The following KNG1 variants were observed in gnomAD, a reference collection of about 807,000 sequenced individuals.
The protein encoded by KNG1 is kininogen-1.
Under a neutral mutation model 47.8 loss-of-function variants are expected in KNG1, and 23 were observed. That is an observed-to-expected ratio of 0.48 (90% confidence interval 0.35 to 0.68). The LOEUF (loss-of-function observed/expected upper bound fraction) is 0.68, where lower values mean the gene tolerates loss of function less well. KNG1 is among the 30% of genes least tolerant of loss of function. The pLI is 0.01. For missense variants in KNG1, 762 were observed against 790.2 expected (o/e 0.96, Z 0.43); for synonymous variants, 277 against 277.0 (o/e 1.00, Z 0.00).
chr3:186,742,465 T>A lies in KNG1; in HGVS notation c.*134T>A, dbSNP rs1720842591. 2 of 1,500,050 alleles carry A rather than the reference T, an allele frequency of 1.3e-6. No homozygotes were observed. Among genetic ancestry groups the A allele is most frequent in the Non-Finnish European group, 1.8e-6 (2 of 1,131,834 alleles). The allele number at this position is 1,500,050 out of a possible 1,614,324, so 92.9% of individuals were successfully genotyped here. A position where few individuals can be genotyped will look rare whatever the true frequency, so the allele number is the denominator to read the frequency against. On this transcript the variant is annotated 3_prime_UTR_variant, in exon 10 of 10. Transcript: ENST00000644859. ...TTCGGAACAGTCTAAAGAGAAGTGG[T>A]GAGACTCCCAGTGGAGACACCATCA...
chr3:186,730,198 G>A (rs1001162799), intron 5 of KNG1, among the ~76,000 whole-genome samples: 7 of 151,430 alleles, frequency 4.6e-5, no homozygotes, highest in Non-Finnish European at 7.4e-5. Context: ...TTATTGGCAA[G>A]CATGTTTATA....
chr3:186,741,893 T>C lies in KNG1; in HGVS notation c.1497T>C (p.His499=), dbSNP rs750916035. Residue 499 remains histidine, a synonymous_variant, in exon 10 of 10, where the codon CAT becomes CAC. Transcript: ENST00000644859. ...TTGACCATGGACATAAGCATAAGCA[T>C]GGTCATGGCCACGGAAAACATAAAA... ...HVLDHGHKHK[H]GHGHGKHKNK... is the part of the protein sequence containing the mutation. 6.2e-7 allele frequency: 1 copy of C among 1,614,040 alleles called. No homozygotes were observed. The highest frequency in any genetic ancestry group is 1.1e-5 in the South Asian group (1 of 91,068).
Position 186,744,092 on chromosome 3 carries a change from G to A in KNG1, c.*1761G>A, listed in dbSNP as rs1432115747. 15 of 419,404 alleles carry A rather than the reference G, an allele frequency of 3.6e-5. No individual in the cohort carries two copies. The highest frequency in any genetic ancestry group is 6.6e-5 in the Non-Finnish European group (15 of 225,696). The allele number at this position is 419,404 out of a possible 1,614,324, so 26.0% of individuals were successfully genotyped here. ...CTAGCCAAGGCAGAAGTCCTTAGGC[G>A]GGACTTCCTTACCACCACGGGTGCT... On this transcript the variant is annotated 3_prime_UTR_variant, in exon 10 of 10. Transcript: ENST00000644859.
Position 186,743,868 on chromosome 3 carries a change from T to A in KNG1, c.*1537T>A. The A allele has an allele frequency of 6.3e-6, 6 of 948,442 alleles. No homozygotes were observed. The highest frequency in any genetic ancestry group is 1.0e-5 in the Non-Finnish European group (6 of 577,908). The allele number at this position is 948,442 out of a possible 1,614,324, so 58.8% of individuals were successfully genotyped here. A position where few individuals can be genotyped will look rare whatever the true frequency, so the allele number is the denominator to read the frequency against. On this transcript the variant is annotated 3_prime_UTR_variant, in exon 10 of 10. Transcript: ENST00000644859. The stretch of plus-strand genomic sequence containing the variant: ...TTGAGAGGAAGGACAAGAAGAAAGA[T>A]GGGATAGAATTTAAATAGAGAAGAA...
chr3:186,732,825 C>T (rs1720573097), intron 7 of KNG1, 151 bp downstream of exon 7: 2 of 709,744 alleles, frequency 2.8e-6, no homozygotes, highest in East Asian at 5.2e-5. Context: ...GTGCCAATCT[C>T]CCTGTATGCT....
At chr3:186,723,790 G>A (rs2378115) in intron 3 of KNG1, among the ~76,000 whole-genome samples, 35,064 of 151,802 alleles carry the variant, frequency 0.23, 4,308 homozygotes, top group South Asian at 0.31. Flanking sequence ...GAATAGCTGG[G>A]ATTATGGGCA....
chr3:186,725,341 C>A (rs5030101), intron 4 of KNG1, 81 bp downstream of exon 4: 2 of 1,389,552 alleles, frequency 1.4e-6, no homozygotes, highest in African/African-American at 1.4e-5. Context: ...GATTGCATGG[C>A]TGGTGGTGTT....
In KNG1 at chr3:186,731,609, A is replaced by T; in HGVS notation, c.737A>T (p.Gln246Leu). ...DIQLRIASFSQNCDIYPGKDF... is the reference protein window; with the variant it reads ...DIQLRIASFSLNCDIYPGKDF... ...CAGCTACGAATTGCTTCCTTCTCACAGAACTGTGACATTTATCCAGGTAAG... is the reference window on the plus strand; with the variant it reads ...CAGCTACGAATTGCTTCCTTCTCACTGAACTGTGACATTTATCCAGGTAAG... Residue 246 changes from glutamine to leucine, a missense_variant, in exon 6 of 10, where the codon CAG becomes CTG. Coordinates refer to ENST00000644859, the MANE Select transcript of KNG1 (RefSeq NM_001102416.3). The T allele has an allele frequency of 1.2e-6, 2 of 1,603,210 alleles. No homozygotes were observed. Among genetic ancestry groups the T allele is most frequent in the South Asian group, 2.2e-5 (2 of 90,844 alleles).
At position 186,727,827 on chromosome 3, in the gene KNG1, C is replaced by T. The variant is rs1461518351; in HGVS notation, c.672+483C>T. On this transcript the variant is annotated intron_variant, in intron 5 of 9. Coordinates refer to ENST00000644859, the MANE Select transcript of KNG1 (RefSeq NM_001102416.3). ...CCTCAGGTGATCCGCCCACCTTGGCCTCCTAAAGTGCTGGTATTACAGGCA... is the reference window on the plus strand; with the variant it reads ...CCTCAGGTGATCCGCCCACCTTGGCTTCCTAAAGTGCTGGTATTACAGGCA... Among the ~76,000 whole-genome samples the T allele has an allele frequency of 2.0e-5, 3 of 152,260 alleles. No homozygotes were observed. In the East Asian group the frequency reaches 5.8e-4, roughly 29 times the overall value.
chr3:186,718,643 T>C (rs1190631336), intron 1 of KNG1: 2 of 151,834 alleles, frequency 1.3e-5, no homozygotes, highest in Non-Finnish European at 2.9e-5. Context: ...TTTAGGAATT[T>C]AGTTAGACTG....
rs71167003 is a variant in KNG1, at chr3:186,725,543, A to ATTTTTTTTTTTTTTTTTTTTTTT, written c.564+302_564+303insTTTTTTTTTTTTTTTTTTTTTTT. The stretch of plus-strand genomic sequence containing the variant: ...AAGGAAAAGTCATACCGGCCTTAGG[A>ATTTTTTTTTTTTTTTTTTTTTTT]TTTTTTTTTTTTTTTTTTTGAGACA... On this transcript the variant is annotated intron_variant, in intron 4 of 9. Coordinates refer to ENST00000644859, the MANE Select transcript of KNG1 (RefSeq NM_001102416.3). Among the ~76,000 whole-genome samples the ATTTTTTTTTTTTTTTTTTTTTTT allele has an allele frequency of 4.8e-4, 42 of 87,718 alleles. 7 individuals are homozygous for ATTTTTTTTTTTTTTTTTTTTTTT. Among genetic ancestry groups the ATTTTTTTTTTTTTTTTTTTTTTT allele is most frequent in the African/African-American group, 8.8e-4 (19 of 21,496 alleles). 57.5% of individuals were successfully genotyped at this position (87,718 alleles called of 152,430 possible).
chr3:186,723,525 G>GTCTT (rs1720264786), intron 3 of KNG1, among the ~76,000 whole-genome samples: 1 of 152,150 alleles, frequency 6.6e-6, no homozygotes. Flanking sequence ...TGTGAAGTTT[G>GTCTT]TCTTTCTGTG....
At chr3:186,731,426 T>C (rs558117150) in intron 5 of KNG1, 119 bp from the exon 6 acceptor site, 1 of 690,384 alleles carries the variant, frequency 1.4e-6, no homozygotes, top group African/African-American at 1.8e-5. Context: ...CTTCTTTCTT[T>C]TTTTTCTATG....
chr3:186,722,393 C>T (rs1238454345), intron 2 of KNG1, 44 bp from the exon 3 acceptor site: 4 of 1,472,810 alleles, frequency 2.7e-6, no homozygotes, highest in Non-Finnish European at 3.8e-6. Context: ...TAGACTTTCC[C>T]ATCTGAAAGA....
chr3:186,737,291 C>G (rs189202700), intron 7 of KNG1, among the ~76,000 whole-genome samples: 65 of 152,170 alleles, frequency 4.3e-4, no homozygotes, highest in Non-Finnish European at 7.5e-4. Flanking sequence ...TCTGAAATAC[C>G]TGCTCATGGC....
Position 186,742,508 on chromosome 3 carries a change from A to C in KNG1, c.*177A>C. Reference sequence around the variant, plus strand: ...CACCATCAGTCTCCACGGACTGCATAAAATTGTGTGCCACAATTCTAACTC... The same window carrying C: ...CACCATCAGTCTCCACGGACTGCATCAAATTGTGTGCCACAATTCTAACTC... On this transcript the variant is annotated 3_prime_UTR_variant, in exon 10 of 10. Coordinates refer to ENST00000644859, the MANE Select transcript of KNG1 (RefSeq NM_001102416.3). 7.0e-7 allele frequency: 1 copy of C among 1,435,808 alleles called. No homozygotes were observed. Among genetic ancestry groups the C allele is most frequent in the African/African-American group, 1.4e-5 (1 of 69,764 alleles). The allele number at this position is 1,435,808 out of a possible 1,614,324, so 88.9% of individuals were successfully genotyped here.
intron 9 of KNG1, 79 bp downstream of exon 9, chr3:186,739,493 A>AT: frequency 1.1e-6 from 1 of 938,848 alleles, no homozygotes; most frequent in African/African-American, 1.6e-5. Flanking sequence ...AAAATGAACC[A>AT]TTACTGAAAT....
In KNG1 at chr3:186,742,057, C is replaced by G. The variant is rs780644449; in HGVS notation, c.1661C>G (p.Pro554Arg). The change falls in exon 10 of 10, where the codon CCA becomes CGA. Residue 554 changes from proline to arginine, a missense_variant. By Grantham distance (103) the Pro-to-Arg change is moderately radical. Transcript: ENST00000644859. ...GPTPIPSLAK[P>R]GVTVTFSDFQ... ...ACACCCATCCCTTCCCTAGCCAAGC[C>G]AGGTGTAACAGTTACCTTTTCTGAC... The G allele has an allele frequency of 5.6e-6, 9 of 1,613,882 alleles. No homozygotes were observed. Among genetic ancestry groups the G allele is most frequent in the Non-Finnish European group, 7.6e-6 (9 of 1,179,818 alleles).
At chr3:186,727,401 T>G (rs1420684580) in intron 5 of KNG1, 57 bp downstream of exon 5, 4 of 1,106,484 alleles carry the variant, frequency 3.6e-6, no homozygotes, top group African/African-American at 1.5e-5. Context: ...CATTTTGTGG[T>G]AACTATCAAG....
Sources: gnomAD v4.1 joint callset for allele counts (sites outside exome capture counted in the v4.1 genomes callset) on GRCh38, gnomAD v4.1.1 for gene constraint, MANE v1.5 for transcripts, NCBI Gene and HGNC (gene_info 2026-07-23, HGNC 2026-07-21) for gene names.